Variants in MACROD2 observed in about 807,000 individuals in gnomAD.
MACROD2 encodes mono-ADP ribosylhydrolase 2, also known as ADP-ribose glycohydrolase MACROD2.
MACROD2 carries 36 observed loss-of-function variants against 70.4 expected under a neutral mutation model. That is an observed-to-expected ratio of 0.51 (90% CI 0.39 to 0.68). The LOEUF is 0.68. Ranked by LOEUF, MACROD2 falls within the 30% of genes least tolerant of loss-of-function variation. The probability of loss-of-function intolerance (pLI) is 0.00; values close to 1 mark genes in which losing one functional copy is unlikely to be tolerated. For synonymous variants in MACROD2, 172 were observed against 178.8 expected, an observed-to-expected ratio of 0.96 and a Z score of 0.30; for missense variants, 496 against 538.4, an observed-to-expected ratio of 0.92 and a Z score of 0.78.
intron 5 of MACROD2, among the ~76,000 whole-genome samples, chr20:14,695,298 C>A (rs1234147575): frequency 2.6e-5 from 4 of 152,168 alleles, no homozygotes; most frequent in Admixed American, 2.6e-4. Flanking sequence ...ATCTCTGCTT[C>A]TGTTTATACC....
intron 8 of MACROD2, among the ~76,000 whole-genome samples, chr20:15,567,651 C>T (rs973892405): frequency 1.3e-5 from 2 of 152,152 alleles, no homozygotes; most frequent in African/African-American, 4.8e-5. Flanking sequence ...ACAACTGCCT[C>T]GTAAGTTTTC....
intron 4 of MACROD2, among the ~76,000 whole-genome samples, chr20:14,603,539 C>A (rs560459594): frequency 6.6e-6 from 1 of 152,202 alleles, no homozygotes; most frequent in South Asian, 2.1e-4. Context: ...TAAATAGGTT[C>A]TTCTAAAGTT....
intron 5 of MACROD2, among the ~76,000 whole-genome samples, chr20:15,048,619 C>T (rs1430754021): frequency 6.6e-6 from 1 of 152,004 alleles, no homozygotes; most frequent in African/African-American, 2.4e-5. Context: ...TAAACTTCTC[C>T]AGTAATGAAC....
intron 15 of MACROD2, among the ~76,000 whole-genome samples, chr20:16,027,219 T>C (rs1487025998): frequency 6.6e-6 from 1 of 152,212 alleles, no homozygotes; most frequent in African/African-American, 2.4e-5. Flanking sequence ...CGCATGCATT[T>C]ACTTCCAGTT....
intron 12 of MACROD2, among the ~76,000 whole-genome samples, chr20:15,943,872 T>G (rs2065784747): frequency 6.6e-6 from 1 of 152,108 alleles, no homozygotes; most frequent in African/African-American, 2.4e-5. Context: ...ATGTGAAAAA[T>G]ATACAATAAA....
intron 3 of MACROD2, among the ~76,000 whole-genome samples, chr20:14,461,498 A>G (rs1314292826): frequency 6.7e-6 from 1 of 149,066 alleles, no homozygotes. Context: ...TTACTTCTCT[A>G]GGTCTTTTTT....
intron 8 of MACROD2, among the ~76,000 whole-genome samples, chr20:15,663,165 G>C (rs927804488): frequency 1.3e-5 from 2 of 151,936 alleles, no homozygotes; most frequent in Admixed American, 6.6e-5. Flanking sequence ...TGGTTGAATG[G>C]GGAAATGGAT....
chr20:14,330,074 A>G (rs993715447), intron 3 of MACROD2, among the ~76,000 whole-genome samples: 1 of 152,064 alleles, frequency 6.6e-6, no homozygotes, highest in African/African-American at 2.4e-5. Context: ...TAGAAGGGAC[A>G]CTATTATTTC....
intron 4 of MACROD2, among the ~76,000 whole-genome samples, chr20:14,566,359 C>A (rs953933463): frequency 6.6e-6 from 1 of 151,716 alleles, no homozygotes; most frequent in Non-Finnish European, 1.5e-5. Flanking sequence ...CCCAGGAGTT[C>A]TAGGCTTCTG....
chr20:14,464,871 G>A (rs1466391465), intron 3 of MACROD2, among the ~76,000 whole-genome samples: 3 of 151,962 alleles, frequency 2.0e-5, no homozygotes, highest in Non-Finnish European at 4.4e-5. Context: ...ATCCTGAGTT[G>A]TAGTTTGATT....
intron 4 of MACROD2, among the ~76,000 whole-genome samples, chr20:14,679,217 G>C (rs1279234452): frequency 6.6e-6 from 1 of 152,194 alleles, no homozygotes; most frequent in Admixed American, 6.5e-5. Flanking sequence ...AACATAAAGA[G>C]ACATTTATTT....
intron 4 of MACROD2, among the ~76,000 whole-genome samples, chr20:14,680,964 C>A: frequency 6.6e-6 from 1 of 151,958 alleles, no homozygotes; most frequent in East Asian, 1.9e-4. Flanking sequence ...AATAAAAAGA[C>A]AACAAAAATT....
chr20:14,138,929 C>T (rs111305862), intron 3 of MACROD2, among the ~76,000 whole-genome samples: 5 of 151,592 alleles, frequency 3.3e-5, no homozygotes, highest in African/African-American at 4.9e-5. Flanking sequence ...GTCAATTATA[C>T]GTCAATAAAG....
intron 3 of MACROD2, among the ~76,000 whole-genome samples, chr20:14,286,056 T>G (rs2082341672): frequency 6.6e-6 from 1 of 152,116 alleles, no homozygotes; most frequent in Admixed American, 6.6e-5. Flanking sequence ...AGGTTTTTCT[T>G]ATATGTTCAC....
At chr20:14,257,261 A>T (rs1024099385) in intron 3 of MACROD2, among the ~76,000 whole-genome samples, 2 of 142,522 alleles carry the variant, frequency 1.4e-5, no homozygotes, top group Non-Finnish European at 3.0e-5. Context: ...CTAGGCACCA[A>T]GGTCTAGAGG....
At chr20:15,833,959 C>T (rs1232488962) in intron 8 of MACROD2, among the ~76,000 whole-genome samples, 1 of 152,110 alleles carries the variant, frequency 6.6e-6, no homozygotes, top group African/African-American at 2.4e-5. Flanking sequence ...TCCAGTGCTT[C>T]CCCTTTCCAG....
At chr20:15,644,085 G>T (rs1568948650) in intron 8 of MACROD2, among the ~76,000 whole-genome samples, 1 of 152,114 alleles carries the variant, frequency 6.6e-6, no homozygotes, top group Non-Finnish European at 1.5e-5. Context: ...CTCAGGGCAG[G>T]AATGTGCTTA....
intron 5 of MACROD2, among the ~76,000 whole-genome samples, chr20:14,895,926 G>T (rs748880079): frequency 1.7e-4 from 26 of 152,286 alleles, no homozygotes; most frequent in Non-Finnish European, 2.8e-4. Context: ...AATTTAAGCT[G>T]AGAGCTCACT....
At chr20:16,027,445 A>G (rs561458591) in intron 15 of MACROD2, among the ~76,000 whole-genome samples, 2 of 152,356 alleles carry the variant, frequency 1.3e-5, no homozygotes, top group South Asian at 4.1e-4. Flanking sequence ...TTAAGAATGT[A>G]TAGGATTAAG....
Sources: gnomAD v4.1 joint callset for allele counts (sites outside exome capture counted in the v4.1 genomes callset) on GRCh38, gnomAD v4.1.1 for gene constraint, MANE v1.5 for transcripts, NCBI Gene and HGNC (gene_info 2026-07-23, HGNC 2026-07-21) for gene names.